ADGRD1: variants seen among roughly 807,000 people sequenced by gnomAD.
The protein encoded by ADGRD1 is adhesion G protein-coupled receptor D1.
ADGRD1 carries 77 observed loss-of-function variants against 113.4 expected under a neutral mutation model. The ratio of observed to expected loss-of-function variants is 0.68; its 90% confidence interval spans 0.57 to 0.82. The LOEUF is 0.82. Among genes scored for constraint, ADGRD1 ranks in the 40% least tolerant of loss-of-function variants. The pLI, the probability that ADGRD1 is intolerant of heterozygous loss-of-function variation, is 0.00. For missense variants in ADGRD1, 1,036 were observed against 1,139.1 expected, an observed-to-expected ratio of 0.91 and a Z score of 1.30; for synonymous variants, 474 against 475.0, an observed-to-expected ratio of 1.00 and a Z score of 0.03.
At chr12:131,052,756 C>T (rs1883518153) in intron 13 of ADGRD1, among the ~76,000 whole-genome samples, 1 of 152,180 alleles carries the variant, frequency 6.6e-6, no homozygotes, top group African/African-American at 2.4e-5. Context: ...CCATTTCTTC[C>T]TGTTGGCCTC....
At chr12:131,137,138 C>T in intron 23 of ADGRD1, 124 bp downstream of exon 23, 1 of 803,894 alleles carries the variant, frequency 1.2e-6, no homozygotes, top group Non-Finnish European at 2.2e-6. Flanking sequence ...CTGAGCCAGC[C>T]ACGTTCCTGA....
At chr12:130,986,744 TAACTGAG>T in intron 5 of ADGRD1, 1 of 249,832 alleles carries the variant, frequency 4.0e-6, no homozygotes, top group Non-Finnish European at 7.7e-6. Context: ...CATTTTTTCT[TAACTGAG>T]CTTATGGTCT....
chr12:130,967,928 G>GCTCGGGTTC (rs1871193091), intron 3 of ADGRD1: 1 of 152,234 alleles, frequency 6.6e-6, no homozygotes, highest in South Asian at 2.1e-4. Context: ...TTCACCACTG[G>GCTCGGGTTC]CTCGGGTTCA....
At position 130,966,685 on chromosome 12, in the gene ADGRD1, G is replaced by T; in HGVS notation, c.187+139G>T. The T allele has an allele frequency of 1.5e-6, 1 of 656,852 alleles. No individual in the cohort carries two copies. The allele number at this position is 656,852 out of a possible 1,614,324, so 40.7% of individuals were successfully genotyped here. A position where few individuals can be genotyped will look rare whatever the true frequency, so the allele number is the denominator to read the frequency against. The stretch of plus-strand genomic sequence containing the variant: ...GTGCTGAGAGTGACTGTGGGCCGGG[G>T]AATCCCAGGGCCATCGGGGAGCAGA... On this transcript the variant is annotated intron_variant, in intron 3 of 24. Transcript: ENST00000261654. The surrounding 1 kb of genome is among the most constrained non-coding windows in gnomAD (Gnocchi z 4.6).
chr12:131,122,711 C>T (rs149089697), intron 20 of ADGRD1, among the ~76,000 whole-genome samples: 2 of 152,174 alleles, frequency 1.3e-5, no homozygotes, highest in Non-Finnish European at 2.9e-5. Context: ...GACTTAAACC[C>T]TCTAGAACCG....
Position 130,964,212 on chromosome 12 carries a change from T to TGCTTG in ADGRD1, c.104-2251_104-2250insGCTTG, listed in dbSNP as rs1308542975. Among the ~76,000 whole-genome samples the TGCTTG allele has an allele frequency of 2.0e-3, 298 of 152,000 alleles. 1 individual carries two copies. Among genetic ancestry groups the TGCTTG allele is most frequent in the African/African-American group, 6.9e-3 (287 of 41,470 alleles). On this transcript the variant is annotated intron_variant, in intron 2 of 24. Transcript: ENST00000261654. ...AATATGTATTATATAATACATATTATATAATATGCACAGAAAACTTTGTTT... is the reference window on the plus strand; with the variant it reads ...AATATGTATTATATAATACATATTATGCTTGATAATATGCACAGAAAACTTTGTTT...
At chr12:131,051,486 C>CTTTTT (rs1555254485) in intron 13 of ADGRD1, among the ~76,000 whole-genome samples, 2 of 147,188 alleles carry the variant, frequency 1.4e-5, no homozygotes, top group African/African-American at 2.5e-5. Flanking sequence ...TCTTTCTTTT[C>CTTTTT]TTTTTTTTTT....
chr12:130,977,136 A>C (rs1305308863), intron 4 of ADGRD1: 4 of 152,246 alleles, frequency 2.6e-5, no homozygotes, highest in African/African-American at 9.6e-5. Context: ...GCAGTTGGTC[A>C]GGGGTAAGGA....
intron 13 of ADGRD1, among the ~76,000 whole-genome samples, chr12:131,031,007 G>A (rs1880660262): frequency 6.6e-6 from 1 of 152,202 alleles, no homozygotes; most frequent in African/African-American, 2.4e-5. Context: ...CCCCCACCGA[G>A]GGCCGCTCTT....
At chr12:131,046,509 C>T (rs373314584) in intron 13 of ADGRD1, among the ~76,000 whole-genome samples, 992 of 76,396 alleles carry the variant, frequency 0.013, 5 homozygotes, top group Middle Eastern at 0.045. Context: ...TGGTCAGTGC[C>T]CCCTCCCTGG....
intron 18 of ADGRD1, 30 bp downstream of exon 18, chr12:131,108,907 G>C: frequency 1.4e-6 from 2 of 1,387,506 alleles, no homozygotes; most frequent in Middle Eastern, 1.8e-4. Flanking sequence ...TGGGATGGCG[G>C]GGCGGGAGGG....
At chr12:131,023,847 CT>C (rs1879622515) in intron 13 of ADGRD1, 1 of 152,200 alleles carries the variant, frequency 6.6e-6, no homozygotes, top group African/African-American at 2.4e-5. Flanking sequence ...GCAGATGGAC[CT>C]TCTTCTTCCC....
intron 20 of ADGRD1, among the ~76,000 whole-genome samples, chr12:131,121,699 C>T (rs773921993): frequency 1.3e-5 from 2 of 152,150 alleles, no homozygotes; most frequent in African/African-American, 4.8e-5. Context: ...TGTTTAAACA[C>T]GGATGGGGAT....
chr12:131,138,366 G>A, intron 24 of ADGRD1, 137 bp downstream of exon 24: 1 of 686,780 alleles, frequency 1.5e-6, no homozygotes. Flanking sequence ...CATGCCTGCA[G>A]GCTGCACGTG....
rs916699825 is a variant in ADGRD1, at chr12:131,120,978, G to A, written c.2175+65G>A. 13 of 1,465,776 alleles carry A rather than the reference G, an allele frequency of 8.9e-6. No homozygotes were observed. The Admixed American group carries it at 1.1e-4, about 13-fold the overall frequency. The allele number at this position is 1,465,776 out of a possible 1,614,324, so 90.8% of individuals were successfully genotyped here. ...GAGGGGCAGGAGGAGAGGGTGTGGGGCTCTGGAGATGGCGGGGGGCTCCCT... is the reference window on the plus strand; with the variant it reads ...GAGGGGCAGGAGGAGAGGGTGTGGGACTCTGGAGATGGCGGGGGGCTCCCT... On this transcript the variant is annotated intron_variant, in intron 20 of 24. Coordinates refer to ENST00000261654, the MANE Select transcript of ADGRD1 (RefSeq NM_198827.5).
At chr12:130,987,677 G>A (rs886671399) in intron 6 of ADGRD1, 1 of 354,304 alleles carries the variant, frequency 2.8e-6, no homozygotes, top group Non-Finnish European at 5.3e-6. Flanking sequence ...AATGTTAGCC[G>A]TGTGCCTCCC....
intron 20 of ADGRD1, 108 bp downstream of exon 20, chr12:131,121,021 T>C (rs1950580076): frequency 5.2e-6 from 5 of 970,292 alleles, no homozygotes; most frequent in Non-Finnish European, 6.3e-6. Flanking sequence ...TTCCGAAGGA[T>C]GCAGCGTCGT....
intron 15 of ADGRD1, among the ~76,000 whole-genome samples, chr12:131,097,961 G>C (rs1208640995): frequency 6.6e-6 from 1 of 152,226 alleles, no homozygotes; most frequent in African/African-American, 2.4e-5. Flanking sequence ...GAAGGGGCCA[G>C]CCTCCTGCCT....
chr12:131,049,381 G>T (rs1355575797), intron 13 of ADGRD1, among the ~76,000 whole-genome samples: 1 of 152,196 alleles, frequency 6.6e-6, no homozygotes, highest in Non-Finnish European at 1.5e-5. Context: ...GCACACTCAT[G>T]CCCCATGCAC....
Sources: allele counts gnomAD v4.1 joint callset (sites outside exome capture counted in the v4.1 genomes callset), GRCh38; gene constraint gnomAD v4.1.1; non-coding constraint Gnocchi (gnomAD v3.1); transcripts MANE v1.5; gene names NCBI Gene and HGNC (gene_info 2026-07-23, HGNC 2026-07-21).